CDK5RAP1: variants seen among roughly 807,000 people sequenced by gnomAD.
CDK5RAP1 encodes the protein CDK5RAP1 mitochondrial tRNA methylthiotransferase.
Under a neutral mutation model 64.5 loss-of-function variants are expected in CDK5RAP1, and 62 were observed. The ratio of observed to expected loss-of-function variants is 0.96; its 90% CI spans 0.78 to 1.19. The LOEUF (loss-of-function observed/expected upper bound fraction) is 1.19. CDK5RAP1 is among the 50% of genes most tolerant of loss of function. CDK5RAP1 has a pLI of 0.00. For missense variants in CDK5RAP1, 657 were observed against 735.0 expected (o/e 0.89, Z 1.23); for synonymous variants, 250 against 261.9 (o/e 0.95, Z 0.44).
Position 33,401,504 on chromosome 20 carries a change from C to A in CDK5RAP1, c.-97G>T. ...AAGTCGGATCCCCTCACAGGTCCGC[C>A]GCTGCGTTCATACACAAGCGACTTC... On this transcript the variant is annotated 5_prime_UTR_variant, in exon 1 of 14. Transcript: ENST00000346416. 1 of 985,326 alleles carries A rather than the reference C, an allele frequency of 1.0e-6. No homozygotes were observed. 61.0% of individuals were successfully genotyped at this position (985,326 alleles called of 1,614,324 possible). A position where few individuals can be genotyped will look rare whatever the true frequency, so the allele number is the denominator to read the frequency against.
At position 33,392,205 on chromosome 20, in the gene CDK5RAP1, G is replaced by T. The variant is rs1473120513; in HGVS notation, c.481C>A (p.Gln161Lys). Residue 161 changes from glutamine to lysine, a missense_variant, in exon 5 of 14, where the codon CAG (glutamine) becomes AAG (lysine). Transcript: ENST00000346416. ...CGCCTTGTCTTCAAGGCTTTAAGCT[G>T]ATGTAAACGGTTCCAGATGGTCTGC... ...AEQTIWNRLHQLKALKTRRPR... is the reference protein window; with the variant it reads ...AEQTIWNRLHKLKALKTRRPR... The T allele has an allele frequency of 6.2e-7, 1 of 1,613,944 alleles. No homozygotes were observed. The highest frequency in any genetic ancestry group is 8.5e-7 in the Non-Finnish European group (1 of 1,179,814).
chr20:33,379,960 T>G (rs1027400767), intron 7 of CDK5RAP1, among the ~76,000 whole-genome samples: 1 of 152,136 alleles, frequency 6.6e-6, no homozygotes, highest in African/African-American at 2.4e-5. Context: ...ACAAACTCAA[T>G]AATCCACAAT....
At chr20:33,368,903 G>A (rs1984506888) in intron 11 of CDK5RAP1, among the ~76,000 whole-genome samples, 1 of 151,710 alleles carries the variant, frequency 6.6e-6, no homozygotes, top group Non-Finnish European at 1.5e-5. Flanking sequence ...TCTCTTGGGA[G>A]GCTGAGGTGG....
intron 1 of CDK5RAP1, among the ~76,000 whole-genome samples, chr20:33,400,752 C>A (rs1989331721): frequency 6.6e-6 from 1 of 151,890 alleles, no homozygotes; most frequent in Admixed American, 6.6e-5. Flanking sequence ...GGGGCAGGGG[C>A]TACAGTGAGC....
At chr20:33,386,030 G>A (rs776959376) in intron 6 of CDK5RAP1, among the ~76,000 whole-genome samples, 5 of 152,192 alleles carry the variant, frequency 3.3e-5, no homozygotes, top group Non-Finnish European at 5.9e-5. Flanking sequence ...TGAGGAGCTA[G>A]AATATACACT....
chr20:33,385,800 C>A (rs1987359525), intron 6 of CDK5RAP1, 30 bp from the exon 7 acceptor site: 1 of 1,599,438 alleles, frequency 6.3e-7, no homozygotes, highest in Non-Finnish European at 8.5e-7. Flanking sequence ...AACTTAGTAA[C>A]AGTAGCAGGG....
At chr20:33,374,037 C>T in intron 9 of CDK5RAP1, 78 bp downstream of exon 9, 1 of 981,012 alleles carries the variant, frequency 1.0e-6, no homozygotes. Flanking sequence ...ATGCTAGGTT[C>T]TTGGCAACAA....
rs1986496914 is a variant in CDK5RAP1 at position 33,379,667 on chromosome 20, C to A, written c.901G>T (p.Gly301Cys). 1.2e-6 allele frequency: 2 copies of A among 1,613,782 alleles called. No individual in the cohort carries two copies. The highest frequency in any genetic ancestry group is 1.7e-6 in the Non-Finnish European group (2 of 1,179,750). Residue 301 changes from glycine to cysteine, a missense_variant, in exon 8 of 14, where the codon GGT becomes TGT. Coordinates refer to ENST00000346416, the MANE Select transcript of CDK5RAP1 (RefSeq NM_016408.4). ...TCCCGAAAACTATTAACATTCTGAC[C>A]AAGAAGTGTCACTTCTTTCAGCCCC... ...EQGLKEVTLL[G>C]QNVNSFRDNS... is the part of the protein sequence containing the mutation.
intron 10 of CDK5RAP1, among the ~76,000 whole-genome samples, chr20:33,371,773 A>T (rs1468422906): frequency 3.3e-5 from 5 of 152,182 alleles, no homozygotes; most frequent in Non-Finnish European, 7.3e-5. Flanking sequence ...ATAGAGCAAG[A>T]TTCTGTCTCA....
At chr20:33,397,725 C>T (rs1421934676) in intron 1 of CDK5RAP1, among the ~76,000 whole-genome samples, 2 of 152,358 alleles carry the variant, frequency 1.3e-5, no homozygotes, top group South Asian at 2.1e-4. Flanking sequence ...GATGCAGCCG[C>T]TCATGCCTGT....
At chr20:33,396,599 C>T (rs17124685) in intron 2 of CDK5RAP1, among the ~76,000 whole-genome samples, 162 bp downstream of exon 2, 2,630 of 152,178 alleles carry the variant, frequency 0.017, 65 homozygotes, top group African/African-American at 0.059. Context: ...CGTGACCAGT[C>T]GAGTTTCTTG....
At chr20:33,372,591 C>T in intron 10 of CDK5RAP1, 51 bp downstream of exon 10, 1 of 979,580 alleles carries the variant, frequency 1.0e-6, no homozygotes. Flanking sequence ...AACCACAAGG[C>T]TGGTCACTGG....
intron 10 of CDK5RAP1, among the ~76,000 whole-genome samples, chr20:33,371,859 A>G (rs1453383172): frequency 6.6e-6 from 1 of 152,224 alleles, no homozygotes; most frequent in Non-Finnish European, 1.5e-5. Flanking sequence ...AAATGACTAC[A>G]GAGTATTTTA....
At chr20:33,392,453 T>C (rs1988428838) in intron 4 of CDK5RAP1, among the ~76,000 whole-genome samples, 3 of 150,644 alleles carry the variant, frequency 2.0e-5, no homozygotes, top group African/African-American at 7.4e-5. Flanking sequence ...GGAGATTTTT[T>C]TGGGGGGGAT....
At chr20:33,360,591 A>G (rs1982742046) in intron 12 of CDK5RAP1, 100 bp from the exon 13 acceptor site, 1 of 1,062,584 alleles carries the variant, frequency 9.4e-7, no homozygotes, top group East Asian at 2.4e-5. Flanking sequence ...CAAGAGTCTG[A>G]CCCACAGAGC....
At chr20:33,360,721 A>G (rs186116834) in intron 12 of CDK5RAP1, among the ~76,000 whole-genome samples, 13 of 152,220 alleles carry the variant, frequency 8.5e-5, no homozygotes, top group Non-Finnish European at 1.5e-4. Flanking sequence ...TAATGAATCA[A>G]TTAATCAATA....
rs138470681 is a variant in CDK5RAP1, at chr20:33,374,424, CAA to C, written c.1108-214_1108-213del. 7.5e-3 allele frequency among the ~76,000 whole-genome samples: 1,129 copies of C among 151,440 alleles called. 10 individuals carry two copies. Among genetic ancestry groups the C allele is most frequent in the African/African-American group, 0.026 (1,068 of 41,174 alleles). On this transcript the variant is annotated intron_variant, in intron 8 of 13. Transcript: ENST00000346416. ...CTTCACCTGATGGCATCTCTGCTTT[CAA>C]AGAGTAGAGAGAAGAAAGTAAGCAG...
chr20:33,370,385 T>A, intron 11 of CDK5RAP1, 114 bp downstream of exon 11: 4 of 1,043,640 alleles, frequency 3.8e-6, no homozygotes, highest in Non-Finnish European at 5.6e-6. Context: ...CGTAAGAGCC[T>A]GTGGTTTCTC....
Position 33,360,368 on chromosome 20 carries a change from C to T in CDK5RAP1, c.1666G>A (p.Asp556Asn). The T allele has an allele frequency of 6.2e-7, 1 of 1,614,074 alleles. No homozygotes were observed. The highest frequency in any genetic ancestry group is 8.5e-7 in the Non-Finnish European group (1 of 1,179,948). The change falls in exon 13 of 14, where the codon GAC becomes AAC. Residue 556 changes from aspartate to asparagine, a missense_variant. Asp to Asn is a conservative substitution (Grantham distance 23). Coordinates refer to ENST00000346416, the MANE Select transcript of CDK5RAP1 (RefSeq NM_016408.4). ...PGLRVRAQPG[D>N]YVLVKITSAS... is the part of the protein sequence containing the mutation. ...CTCCTCACCTTCACCAGCACATAGTCCCCAGGCTGGGCTCTGACCCTGAGC... is the reference window on the plus strand; with the variant it reads ...CTCCTCACCTTCACCAGCACATAGTTCCCAGGCTGGGCTCTGACCCTGAGC...
Sources: allele counts gnomAD v4.1 joint callset (sites outside exome capture counted in the v4.1 genomes callset), GRCh38; gene constraint gnomAD v4.1.1; transcripts MANE v1.5; gene names NCBI Gene and HGNC (gene_info 2026-07-23, HGNC 2026-07-21).